The following SLC30A8 variants were observed in gnomAD, a reference collection of about 807,000 sequenced individuals.
SLC30A8 encodes proton-coupled zinc antiporter SLC30A8.
SLC30A8 carries 27 observed loss-of-function variants against 36.9 expected under a neutral mutation model. The observed-to-expected ratio is 0.73, with a 90% CI of 0.54 to 1.01. SLC30A8 has a LOEUF of 1.01. Among genes scored for constraint, SLC30A8 ranks in the 50% least tolerant of loss-of-function variants. The pLI, the probability that SLC30A8 is intolerant of heterozygous loss-of-function variation, is 0.00. For missense variants in SLC30A8, 439 were observed against 452.0 expected, an observed-to-expected ratio of 0.97 and a Z score of 0.26; for synonymous variants, 164 against 172.4, an observed-to-expected ratio of 0.95 and a Z score of 0.38.
At chr8:117,119,011 AGT>A (rs1015139659) in intron 2 of SLC30A8, among the ~76,000 whole-genome samples, 18 of 152,040 alleles carry the variant, frequency 1.2e-4, no homozygotes, top group African/African-American at 4.3e-4. Flanking sequence ...ATTGGGTAGA[AGT>A]CAACTAAGTT....
At chr8:117,110,078 G>A (rs1045723697) in intron 2 of SLC30A8, among the ~76,000 whole-genome samples, 3 of 152,078 alleles carry the variant, frequency 2.0e-5, no homozygotes, top group African/African-American at 7.2e-5. Flanking sequence ...CGCCTTGTAA[G>A]ATAGATACAC....
chr8:116,984,071 A>G (rs1056429970), intron 1 of SLC30A8, among the ~76,000 whole-genome samples: 1 of 152,134 alleles, frequency 6.6e-6, no homozygotes, highest in African/African-American at 2.4e-5. Context: ...GTTATTATGG[A>G]TAGAGTCATA....
At chr8:117,163,281 CCT>C (rs1023792661) in intron 5 of SLC30A8, 142 bp from the exon 6 acceptor site, 5 of 554,728 alleles carry the variant, frequency 9.0e-6, no homozygotes, top group African/African-American at 7.7e-5. Context: ...CAAAGTCTTC[CCT>C]CTCAGTTGGA....
chr8:117,042,041 A>C (rs1817403632), intron 2 of SLC30A8, among the ~76,000 whole-genome samples: 2 of 152,072 alleles, frequency 1.3e-5, no homozygotes, highest in South Asian at 4.1e-4. Context: ...CTTTAGTTTC[A>C]CTCCTGGTTT....
chr8:117,001,782 A>G (rs774532357), intron 1 of SLC30A8, among the ~76,000 whole-genome samples: 2 of 152,212 alleles, frequency 1.3e-5, no homozygotes, highest in Non-Finnish European at 2.9e-5. Flanking sequence ...TTTCCTTGCC[A>G]TAGAAACCAT....
chr8:117,026,810 C>T (rs1408632364), intron 1 of SLC30A8, among the ~76,000 whole-genome samples: 1 of 152,148 alleles, frequency 6.6e-6, no homozygotes, highest in East Asian at 1.9e-4. Context: ...TTAATCCTCA[C>T]AAAATAAATG....
In SLC30A8 at chr8:117,173,643, A is replaced by G. The variant is rs958257611; in HGVS notation, c.*962A>G. On this transcript the variant is annotated 3_prime_UTR_variant, in exon 8 of 8. Coordinates refer to ENST00000456015, the MANE Select transcript of SLC30A8 (RefSeq NM_173851.3). The stretch of plus-strand genomic sequence containing the variant: ...TGTGTTCTGGTAGCAACTCAACACT[A>G]TCTGTGGAGAGTAAACTGAAGATGT... The G allele has an allele frequency of 6.6e-6, 1 of 152,152 alleles. No homozygotes were observed. The highest frequency in any genetic ancestry group is 6.5e-5 in the Admixed American group (1 of 15,274). The allele number at this position is 152,152 out of a possible 1,614,324, so 9.4% of individuals were successfully genotyped here.
At chr8:116,950,426 C>T (rs1378120586), upstream of SLC30A8, 2 of 152,226 alleles carry the variant, frequency 1.3e-5, no homozygotes, top group East Asian at 3.8e-4. Context: ...CAATGCTCAC[C>T]CTCATTAAGG....
At chr8:116,956,168 A>G (rs1490469736) in intron 1 of SLC30A8, among the ~76,000 whole-genome samples, 1 of 152,234 alleles carries the variant, frequency 6.6e-6, no homozygotes, top group African/African-American at 2.4e-5. Flanking sequence ...ACAAGGTGGC[A>G]ATAAAACTGA....
intron 2 of SLC30A8, among the ~76,000 whole-genome samples, chr8:117,056,351 A>T (rs868480093): frequency 1.6e-4 from 25 of 152,068 alleles, no homozygotes; most frequent in African/African-American, 5.6e-4. Context: ...CCATCACCAC[A>T]GCAGTAGCTT....
In SLC30A8 at chr8:116,976,798, T is replaced by TTTTC. The variant is rs142957728; in HGVS notation, c.-266+25703_-266+25706dup. Among the ~76,000 whole-genome samples the TTTTC allele has an allele frequency of 0.011, 1,436 of 125,508 alleles. 38 individuals carry two copies. In the East Asian group the frequency reaches 0.12, roughly 10 times the overall value. 82.3% of individuals were successfully genotyped at this position (125,508 alleles called of 152,430 possible). ...GGGGATGCTGAGTTTCCCCTTTTAT[T>TTTTC]TTTCTTTCTTTCTTTCTTTCTTTCT... On this transcript the variant is annotated intron_variant, in intron 1 of 10. Transcript: ENST00000427715.
chr8:117,153,683 G>A (rs59791265), intron 3 of SLC30A8, among the ~76,000 whole-genome samples: 20,239 of 151,652 alleles, frequency 0.13, 2,642 homozygotes, highest in African/African-American at 0.34. Context: ...CTGAATAACT[G>A]CTTACTCTTG....
At chr8:117,034,546 A>G (rs934830935) in intron 1 of SLC30A8, among the ~76,000 whole-genome samples, 3 of 152,168 alleles carry the variant, frequency 2.0e-5, no homozygotes, top group African/African-American at 7.2e-5. Context: ...TGAAGCATGG[A>G]GTGGTGAGAC....
At chr8:117,100,198 A>G (rs996867532) in intron 2 of SLC30A8, among the ~76,000 whole-genome samples, 1 of 152,176 alleles carries the variant, frequency 6.6e-6, no homozygotes, top group African/African-American at 2.4e-5. Flanking sequence ...TTACATATAT[A>G]TCATTTAGTA....
chr8:117,030,873 T>TG lies in SLC30A8; in HGVS notation c.-265-8343dup, dbSNP rs200611978. On this transcript the variant is annotated intron_variant, in intron 1 of 10. Coordinates refer to the SLC30A8 transcript ENST00000427715. ...TATTCAGGGGTATGTTCAAGAAGTA[T>TG]GGGAAAATATCACAGACATGTGTGC... 3.8e-3 allele frequency among the ~76,000 whole-genome samples: 586 copies of TG among 152,240 alleles called. 14 individuals carry two copies. The highest frequency in any genetic ancestry group is 0.028 in the Admixed American group (428 of 15,304).
intron 2 of SLC30A8, among the ~76,000 whole-genome samples, chr8:117,083,972 A>C (rs1411065374): frequency 6.6e-6 from 1 of 152,166 alleles, no homozygotes; most frequent in Non-Finnish European, 1.5e-5. Context: ...AGATAGCCCT[A>C]CTGAGCTTTG....
At chr8:117,097,433 A>T in intron 2 of SLC30A8, among the ~76,000 whole-genome samples, 1 of 121,264 alleles carries the variant, frequency 8.2e-6, no homozygotes, top group African/African-American at 3.1e-5. Flanking sequence ...ATATAAATAT[A>T]TATAATTATA....
intron 1 of SLC30A8, among the ~76,000 whole-genome samples, chr8:117,141,872 C>T (rs765053011): frequency 4.6e-5 from 7 of 152,178 alleles, no homozygotes; most frequent in Non-Finnish European, 1.0e-4. Flanking sequence ...GTTCCAGTTA[C>T]ACTTTGAAGT....
rs532885561 is a variant in SLC30A8, at chr8:117,174,855, G to C, written c.*2174G>C. On this transcript the variant is annotated 3_prime_UTR_variant, in exon 8 of 8. Coordinates refer to ENST00000456015, the MANE Select transcript of SLC30A8 (RefSeq NM_173851.3). Reference sequence around the variant, plus strand: ...TTTAGTCAGCTAGATTGAAAACTCTGAACAGTAGATGTTTATATGGCAAAA... The same window carrying C: ...TTTAGTCAGCTAGATTGAAAACTCTCAACAGTAGATGTTTATATGGCAAAA... 1 of 152,556 alleles carries C rather than the reference G, an allele frequency of 6.6e-6. No homozygotes were observed. Among genetic ancestry groups the C allele is most frequent in the East Asian group, 1.9e-4 (1 of 5,148 alleles). 9.5% of individuals were successfully genotyped at this position (152,556 alleles called of 1,614,324 possible). A position where few individuals can be genotyped will look rare whatever the true frequency, so the allele number is the denominator to read the frequency against.
Sources: allele counts gnomAD v4.1 joint callset (sites outside exome capture counted in the v4.1 genomes callset), GRCh38; gene constraint gnomAD v4.1.1; transcripts MANE v1.5; gene names NCBI Gene and HGNC (gene_info 2026-07-23, HGNC 2026-07-21).